Variants in SEMA3E observed in about 807,000 individuals in gnomAD.
SEMA3E encodes semaphorin-3E.
SEMA3E carries 49 observed loss-of-function variants against 93.6 expected under a neutral mutation model. The observed-to-expected ratio is 0.52, with a 90% confidence interval of 0.42 to 0.66. The LOEUF (loss-of-function observed/expected upper bound fraction) is 0.66, where lower values mean the gene tolerates loss of function less well. Ranked by LOEUF, SEMA3E falls within the 30% of genes least tolerant of loss-of-function variation. SEMA3E has a pLI of 0.00. For synonymous variants in SEMA3E, 363 were observed against 330.7 expected, an observed-to-expected ratio of 1.10 and a Z score of -1.06; for missense variants, 906 against 964.8, an observed-to-expected ratio of 0.94 and a Z score of 0.81.
chr7:83,644,973 A>C (rs1794060667), intron 1 of SEMA3E, among the ~76,000 whole-genome samples: 8 of 151,956 alleles, frequency 5.3e-5, no homozygotes. Flanking sequence ...TTGAGACTTC[A>C]AACACCTACC....
intron 2 of SEMA3E, among the ~76,000 whole-genome samples, chr7:83,478,698 A>G (rs976251449): frequency 1.3e-5 from 2 of 152,214 alleles, no homozygotes; most frequent in South Asian, 2.1e-4. Flanking sequence ...CTACTAGTTC[A>G]TAACTATTAC....
intron 1 of SEMA3E, among the ~76,000 whole-genome samples, chr7:83,525,085 G>T (rs984870892): frequency 2.6e-5 from 4 of 152,034 alleles, no homozygotes; most frequent in African/African-American, 9.7e-5. Flanking sequence ...GAACTTGCAT[G>T]TCTGAACCGT....
chr7:83,564,384 C>A (rs1263178250), intron 1 of SEMA3E, among the ~76,000 whole-genome samples: 1 of 151,780 alleles, frequency 6.6e-6, no homozygotes, highest in Non-Finnish European at 1.5e-5. Context: ...CATGTCATTG[C>A]ACTCCAGCCA....
At chr7:83,424,666 C>G (rs1788734867) in intron 4 of SEMA3E, among the ~76,000 whole-genome samples, 1 of 152,112 alleles carries the variant, frequency 6.6e-6, no homozygotes, top group Admixed American at 6.5e-5. Flanking sequence ...AATATGTTAC[C>G]TTACATGGCA....
chr7:83,530,339 T>C (rs550908654), intron 1 of SEMA3E, among the ~76,000 whole-genome samples: 6 of 152,272 alleles, frequency 3.9e-5, no homozygotes, highest in African/African-American at 1.4e-4. Context: ...GTATTCTGCC[T>C]AAAAATATGT....
At chr7:83,410,454 TAAC>T (rs1473093972) in intron 5 of SEMA3E, among the ~76,000 whole-genome samples, 6 of 152,062 alleles carry the variant, frequency 3.9e-5, no homozygotes, top group African/African-American at 9.6e-5. Flanking sequence ...AATCTGGACT[TAAC>T]AATATATAAT....
In SEMA3E at chr7:83,553,606, C is replaced by T. The variant is rs60389058; in HGVS notation, c.116-63332G>A. ...TCAATACATGCTTGTTGAATATATACGGATGAATAAATGAATGAATTAACT... is the reference window on the plus strand; with the variant it reads ...TCAATACATGCTTGTTGAATATATATGGATGAATAAATGAATGAATTAACT... On this transcript the variant is annotated intron_variant, in intron 1 of 16. Coordinates refer to ENST00000643230, the MANE Select transcript of SEMA3E (RefSeq NM_012431.3). 8.5e-3 allele frequency among the ~76,000 whole-genome samples: 1,289 copies of T among 152,096 alleles called. 20 individuals are homozygous for T. Among genetic ancestry groups the T allele is most frequent in the African/African-American group, 0.029 (1,188 of 41,484 alleles).
intron 1 of SEMA3E, among the ~76,000 whole-genome samples, chr7:83,598,486 T>C (rs780396168): frequency 3.3e-5 from 5 of 152,166 alleles, no homozygotes; most frequent in Non-Finnish European, 7.4e-5. Flanking sequence ...TAAAGTGACC[T>C]TGGGTTTTAT....
intron 1 of SEMA3E, among the ~76,000 whole-genome samples, chr7:83,602,365 T>C (rs1793013795): frequency 6.6e-6 from 1 of 152,244 alleles, no homozygotes; most frequent in African/African-American, 2.4e-5. Flanking sequence ...CACAAACTTC[T>C]TTTGATACTC....
intron 1 of SEMA3E, among the ~76,000 whole-genome samples, chr7:83,546,452 G>T (rs1157221182): frequency 1.3e-5 from 2 of 151,348 alleles, no homozygotes; most frequent in African/African-American, 4.9e-5. Context: ...ACAGAGTCCA[G>T]TCTTTTGGTA....
At chr7:83,447,453 G>A (rs1457342632) in intron 4 of SEMA3E, among the ~76,000 whole-genome samples, 2 of 152,068 alleles carry the variant, frequency 1.3e-5, no homozygotes, top group Admixed American at 1.3e-4. Context: ...CAGGAAAATC[G>A]CTTGAACCCA....
chr7:83,480,178 C>A (rs185792111), intron 2 of SEMA3E, among the ~76,000 whole-genome samples: 1 of 152,148 alleles, frequency 6.6e-6, no homozygotes, highest in East Asian at 1.9e-4. Context: ...CAGTGGCTCA[C>A]GCCTGTAATC....
chr7:83,592,984 G>T (rs1424709138), intron 1 of SEMA3E, among the ~76,000 whole-genome samples: 6 of 152,018 alleles, frequency 3.9e-5, no homozygotes, highest in Middle Eastern at 3.4e-3. Flanking sequence ...ACAAGGCCTT[G>T]CTCTGTTGCC....
intron 1 of SEMA3E, among the ~76,000 whole-genome samples, chr7:83,521,950 A>G (rs751305359): frequency 4.5e-4 from 69 of 152,116 alleles, no homozygotes; most frequent in Non-Finnish European, 8.1e-4. Flanking sequence ...CGTGATATCT[A>G]AAGTCATGAT....
intron 1 of SEMA3E, among the ~76,000 whole-genome samples, chr7:83,647,796 C>G (rs1794098361): frequency 6.6e-6 from 1 of 152,170 alleles, no homozygotes; most frequent in Admixed American, 6.5e-5. Flanking sequence ...ATTTTACAAG[C>G]ATTGTCATAA....
chr7:83,522,609 C>A (rs558021720), intron 1 of SEMA3E, among the ~76,000 whole-genome samples: 1 of 152,206 alleles, frequency 6.6e-6, no homozygotes, highest in Non-Finnish European at 1.5e-5. Context: ...CTTAACAAAT[C>A]ATTTGCACAC....
At position 83,527,474 on chromosome 7, in the gene SEMA3E, G is replaced by A. The variant is rs140426939; in HGVS notation, c.116-37200C>T. ...TTTAAGCATTAAACCCTGCTCCTAT[G>A]GAGTATATGACAGTTAGGTCCCTGC... On this transcript the variant is annotated intron_variant, in intron 1 of 16. Transcript: ENST00000643230. Among the ~76,000 whole-genome samples the A allele has an allele frequency of 9.8e-3, 1,495 of 152,188 alleles. 24 individuals are homozygous for A. The highest frequency in any genetic ancestry group is 0.032 in the African/African-American group (1,336 of 41,540).
rs556226961 is a variant in SEMA3E, at chr7:83,390,176, T to C, written c.1667+2379A>G. ...GTGTGCACATATATGCGCGTATACG[T>C]GTGCACATATATGCGCGTATACGTG... On this transcript the variant is annotated intron_variant, in intron 14 of 16. Coordinates refer to ENST00000643230, the MANE Select transcript of SEMA3E (RefSeq NM_012431.3). Among the ~76,000 whole-genome samples, 30 of 12,072 alleles carry C rather than the reference T, an allele frequency of 2.5e-3. 3 individuals are homozygous for C. Among genetic ancestry groups the C allele is most frequent in the Non-Finnish European group, 5.8e-3 (22 of 3,772 alleles). The allele number at this position is 12,072 out of a possible 152,430, so 7.9% of individuals were successfully genotyped here. A position where few individuals can be genotyped will look rare whatever the true frequency, so the allele number is the denominator to read the frequency against.
chr7:83,457,749 C>G (rs1789518510), intron 4 of SEMA3E, among the ~76,000 whole-genome samples: 1 of 152,244 alleles, frequency 6.6e-6, no homozygotes, highest in Middle Eastern at 3.4e-3. Flanking sequence ...AAAACTCCAT[C>G]GTCTCCGTGC....
Sources: gnomAD v4.1 joint callset for allele counts (sites outside exome capture counted in the v4.1 genomes callset) on GRCh38, gnomAD v4.1.1 for gene constraint, MANE v1.5 for transcripts, NCBI Gene and HGNC (gene_info 2026-07-23, HGNC 2026-07-21) for gene names.